Variants in CSRNP3 observed in about 807,000 individuals in gnomAD.
CSRNP3 encodes cysteine/serine-rich nuclear protein 3.
CSRNP3 carries 12 observed loss-of-function variants against 48.0 expected under a neutral mutation model. That is an observed-to-expected ratio of 0.25 (90% CI 0.16 to 0.41). CSRNP3 has a LOEUF of 0.41. Ranked by LOEUF, CSRNP3 falls within the 10% of genes least tolerant of loss-of-function variation. CSRNP3 has a pLI of 1.00. For synonymous variants in CSRNP3, 263 were observed against 269.7 expected (o/e 0.98, Z 0.24); for missense variants, 580 against 724.4 (o/e 0.80, Z 2.29).
chr2:165,600,136 A>C, intron 4 of CSRNP3, among the ~76,000 whole-genome samples: 2 of 134,566 alleles, frequency 1.5e-5, no homozygotes, highest in Admixed American at 7.6e-5. Flanking sequence ...TCCTGTGTCC[A>C]TGTGTTCTCA....
chr2:165,668,401 C>CTTTCT (rs770213785), intron 5 of CSRNP3, among the ~76,000 whole-genome samples: 11 of 111,504 alleles, frequency 9.9e-5, no homozygotes, highest in East Asian at 8.1e-4. Flanking sequence ...TTCTTTCTTT[C>CTTTCT]TTTTTTTTTT....
At chr2:165,530,052 G>T (rs1198046804) in intron 3 of CSRNP3, among the ~76,000 whole-genome samples, 2 of 152,140 alleles carry the variant, frequency 1.3e-5, no homozygotes, top group African/African-American at 4.8e-5. Flanking sequence ...TTTGTAGTTT[G>T]CCAAATGTAG....
intron 1 of CSRNP3, among the ~76,000 whole-genome samples, chr2:165,484,310 C>T (rs566204589): frequency 2.6e-5 from 4 of 152,202 alleles, no homozygotes; most frequent in African/African-American, 9.6e-5. Flanking sequence ...CCAGGCTGGT[C>T]TCAAACTCCT....
At position 165,676,329 on chromosome 2, in the gene CSRNP3, A is replaced by G. The variant is rs1256881125; in HGVS notation, c.426A>G (p.Thr142=). 4 of 1,613,736 alleles carry G rather than the reference A, an allele frequency of 2.5e-6. No individual in the cohort carries two copies. Among genetic ancestry groups the G allele is most frequent in the Admixed American group, 3.3e-5 (2 of 59,972 alleles). The change falls in exon 6 of 7, where the codon ACA becomes ACG. Residue 142 remains threonine (T), a synonymous_variant. Transcript: ENST00000651982. ...SLKLKMTKNG[T]VESEEASTLT... is the part of the protein sequence containing the mutation. The stretch of plus-strand genomic sequence containing the variant: ...GTTTTTAGATGACTAAGAATGGCAC[A>G]GTAGAATCAGAAGAAGCCAGCACTC...
chr2:165,584,597 G>A (rs1685597796), intron 3 of CSRNP3, among the ~76,000 whole-genome samples: 1 of 152,100 alleles, frequency 6.6e-6, no homozygotes, highest in African/African-American at 2.4e-5. Context: ...AGAGTGCAAT[G>A]AGTAAGAAGA....
intron 3 of CSRNP3, among the ~76,000 whole-genome samples, chr2:165,583,643 A>T (rs1205663265): frequency 2.6e-5 from 4 of 152,216 alleles, no homozygotes; most frequent in Non-Finnish European, 4.4e-5. Context: ...ACTGGCACAT[A>T]GTAGATCTAT....
At chr2:165,605,107 T>A (rs1052157777) in intron 4 of CSRNP3, among the ~76,000 whole-genome samples, 1 of 152,192 alleles carries the variant, frequency 6.6e-6, no homozygotes, top group African/African-American at 2.4e-5. Flanking sequence ...TGTTCAAGCC[T>A]CAGCCTCTTC....
chr2:165,524,201 A>G (rs1326950180), intron 3 of CSRNP3, among the ~76,000 whole-genome samples: 2 of 152,190 alleles, frequency 1.3e-5, no homozygotes, highest in Non-Finnish European at 2.9e-5. Context: ...TGTCTGATAA[A>G]AGAGACAATT....
intron 1 of CSRNP3, among the ~76,000 whole-genome samples, chr2:165,475,723 C>T (rs746532707): frequency 2.0e-5 from 3 of 152,152 alleles, no homozygotes; most frequent in Non-Finnish European, 4.4e-5. Context: ...CATTCTAAGA[C>T]GGTCTCTTCC....
intron 3 of CSRNP3, among the ~76,000 whole-genome samples, chr2:165,554,525 A>C (rs901889829): frequency 2.0e-5 from 3 of 152,184 alleles, no homozygotes; most frequent in Non-Finnish European, 4.4e-5. Flanking sequence ...TCCCAGAACA[A>C]ACTGCTAACA....
chr2:165,486,260 G>A (rs928237105), intron 1 of CSRNP3, among the ~76,000 whole-genome samples: 1 of 152,208 alleles, frequency 6.6e-6, no homozygotes, highest in Non-Finnish European at 1.5e-5. Context: ...GGTGCACCAC[G>A]AGACTATATC....
chr2:165,640,384 A>G (rs1686704692), intron 4 of CSRNP3, among the ~76,000 whole-genome samples: 1 of 152,298 alleles, frequency 6.6e-6, no homozygotes, highest in East Asian at 1.9e-4. Context: ...TTTGTCCACT[A>G]TTCATGTTTA....
rs151059821 is a variant in CSRNP3, at chr2:165,683,570, A to C, written c.*3817A>C. The C allele has an allele frequency of 2.3e-3, 345 of 152,180 alleles. 2 individuals carry two copies. Among genetic ancestry groups the C allele is most frequent in the African/African-American group, 7.5e-3 (312 of 41,550 alleles). 9.4% of individuals were successfully genotyped at this position (152,180 alleles called of 1,614,324 possible). On this transcript the variant is annotated 3_prime_UTR_variant, in exon 7 of 7. Coordinates refer to ENST00000651982, the MANE Select transcript of CSRNP3 (RefSeq NM_001172173.2). ...GCTAATCACTGTTTCTTTTATTTCA[A>C]TTTTTGATATTGTTGCACAAGTTTA...
intron 3 of CSRNP3, among the ~76,000 whole-genome samples, chr2:165,555,196 T>C (rs1388656595): frequency 6.6e-6 from 1 of 152,002 alleles, no homozygotes; most frequent in Non-Finnish European, 1.5e-5. Context: ...TACCACTATC[T>C]GATATACTGT....
At chr2:165,524,362 T>A (rs1684705135) in intron 3 of CSRNP3, among the ~76,000 whole-genome samples, 1 of 152,190 alleles carries the variant, frequency 6.6e-6, no homozygotes, top group African/African-American at 2.4e-5. Flanking sequence ...TATTTTAAAA[T>A]ATTATTGAAC....
rs1447040040 is a variant in CSRNP3, at chr2:165,689,058, CTCT to C, written c.*9307_*9309del. 1.3e-5 allele frequency: 2 copies of C among 152,038 alleles called. No homozygotes were observed. Among genetic ancestry groups the C allele is most frequent in the African/African-American group, 4.8e-5 (2 of 41,422 alleles). 9.4% of individuals were successfully genotyped at this position (152,038 alleles called of 1,614,324 possible). A position where few individuals can be genotyped will look rare whatever the true frequency, so the allele number is the denominator to read the frequency against. On this transcript the variant is annotated 3_prime_UTR_variant, in exon 7 of 7. Transcript: ENST00000651982. ...TGTCACACAGTTTCTAGATTGATTT[CTCT>C]TGTGTATAAGTTATAACATCAAAAA...
At chr2:165,676,712 A>G in intron 6 of CSRNP3, 104 bp downstream of exon 6, 1 of 1,050,622 alleles carries the variant, frequency 9.5e-7, no homozygotes, top group South Asian at 1.6e-5. Flanking sequence ...TGTAAAAGAA[A>G]ATTTTTTGGC....
At chr2:165,540,536 G>A (rs900108576) in intron 3 of CSRNP3, among the ~76,000 whole-genome samples, 7 of 151,912 alleles carry the variant, frequency 4.6e-5, no homozygotes, top group African/African-American at 7.3e-5. Context: ...TATCTCCTTC[G>A]AAAGCTTAAC....
chr2:165,515,072 C>T (rs1020667800), intron 2 of CSRNP3, among the ~76,000 whole-genome samples: 4 of 152,058 alleles, frequency 2.6e-5, no homozygotes, highest in Admixed American at 6.5e-5. Context: ...GTAATCCCAG[C>T]GCTTTGGGAG....
Sources: allele counts gnomAD v4.1 joint callset (sites outside exome capture counted in the v4.1 genomes callset), GRCh38; gene constraint gnomAD v4.1.1; transcripts MANE v1.5; gene names NCBI Gene and HGNC (gene_info 2026-07-23, HGNC 2026-07-21).